CFAP77: variants seen among roughly 807,000 people sequenced by gnomAD.
CFAP77 encodes cilia- and flagella-associated protein 77.
Under a neutral mutation model 31.1 loss-of-function variants are expected in CFAP77, and 25 were observed. The ratio of observed to expected loss-of-function variants is 0.80; its 90% CI spans 0.59 to 1.12. The LOEUF (loss-of-function observed/expected upper bound fraction) is 1.12. Among genes scored for constraint, CFAP77 ranks in the 50% most tolerant of loss-of-function variants. The pLI is 0.00. For synonymous variants in CFAP77, 151 were observed against 159.9 expected, an observed-to-expected ratio of 0.94 and a Z score of 0.42; for missense variants, 377 against 397.3, an observed-to-expected ratio of 0.95 and a Z score of 0.44.
chr9:132,486,090 A>ATTTTT (rs1178281920), intron 1 of CFAP77, among the ~76,000 whole-genome samples: 3 of 15,362 alleles, frequency 2.0e-4, no homozygotes, highest in African/African-American at 4.3e-4. Context: ...ATATATATAT[A>ATTTTT]TTTTTTTTTT....
intron 1 of CFAP77, among the ~76,000 whole-genome samples, chr9:132,415,177 CTAATGGCCCCATCT>C (rs1850074539): frequency 6.6e-6 from 1 of 152,184 alleles, no homozygotes; most frequent in African/African-American, 2.4e-5. Flanking sequence ...GCTGCCCATC[CTAATGGCCCCATCT>C]TGGAGGGCCA....
rs916604007 is a variant in CFAP77, at chr9:132,517,174, T to G, written c.524+17574T>G. 6.6e-6 allele frequency among the ~76,000 whole-genome samples: 1 copy of G among 152,062 alleles called. No homozygotes were observed. Among genetic ancestry groups the G allele is most frequent in the African/African-American group, 2.4e-5 (1 of 41,400 alleles). On this transcript the variant is annotated intron_variant, in intron 3 of 5. Coordinates refer to ENST00000393216, the MANE Select transcript of CFAP77 (RefSeq NM_001282957.2). The surrounding 1 kb of genome is among the most constrained non-coding windows in gnomAD (Gnocchi z 4.7). ...AAGCCCAGCCCTCCAGCCTTCTCCCTCCTCCCAAACCAGCCATCTACGGTC... is the reference window on the plus strand; with the variant it reads ...AAGCCCAGCCCTCCAGCCTTCTCCCGCCTCCCAAACCAGCCATCTACGGTC...
chr9:132,447,658 C>A (rs1035550041), intron 1 of CFAP77, among the ~76,000 whole-genome samples: 4 of 152,222 alleles, frequency 2.6e-5, no homozygotes, highest in Non-Finnish European at 4.4e-5. Context: ...ACCTAACACT[C>A]CTCTCAAATA....
intron 3 of CFAP77, among the ~76,000 whole-genome samples, chr9:132,534,610 CA>C (rs201151199): frequency 0.21 from 13,449 of 64,144 alleles, 511 homozygotes; most frequent in African/African-American, 0.3. Context: ...GACTCTGTCT[CA>C]AAAAAAAAAA....
chr9:132,547,755 G>A (rs1255562027), intron 5 of CFAP77, among the ~76,000 whole-genome samples: 1 of 152,208 alleles, frequency 6.6e-6, no homozygotes, highest in Non-Finnish European at 1.5e-5. Flanking sequence ...AACCTTGCTT[G>A]AAGGGCGGAA....
At chr9:132,547,085 C>T (rs929655991) in intron 5 of CFAP77, among the ~76,000 whole-genome samples, 6 of 152,326 alleles carry the variant, frequency 3.9e-5, no homozygotes, top group Admixed American at 2.0e-4. Context: ...ATGGAGGAGC[C>T]GCTGGGCTGG....
At chr9:132,483,271 TAAAAC>T (rs3079601) in intron 1 of CFAP77, among the ~76,000 whole-genome samples, 9,726 of 151,866 alleles carry the variant, frequency 0.064, 437 homozygotes, top group South Asian at 0.12. Context: ...AACTCTGTCT[TAAAAC>T]AAAAAAACAA....
rs1851776745 is a variant in CFAP77 at position 132,498,233 on chromosome 9, G to A, written c.196-462G>A. ...AAGTGACTCCCTCATGTGCTACAGTGACAATGGTTTGAGTGGTCCCTGGTA... is the reference window on the plus strand; with the variant it reads ...AAGTGACTCCCTCATGTGCTACAGTAACAATGGTTTGAGTGGTCCCTGGTA... On this transcript the variant is annotated intron_variant, in intron 1 of 5. Coordinates refer to ENST00000393216, the MANE Select transcript of CFAP77 (RefSeq NM_001282957.2). The surrounding 1 kb of genome is among the most constrained non-coding windows in gnomAD (Gnocchi z 4.2). 6.6e-6 allele frequency among the ~76,000 whole-genome samples: 1 copy of A among 152,118 alleles called. No individual in the cohort carries two copies. The highest frequency in any genetic ancestry group is 1.5e-5 in the Non-Finnish European group (1 of 68,018).
At chr9:132,474,760 G>A (rs1159541894) in intron 1 of CFAP77, among the ~76,000 whole-genome samples, 2 of 152,042 alleles carry the variant, frequency 1.3e-5, no homozygotes, top group African/African-American at 4.8e-5. Context: ...TTGTTTGGGG[G>A]GTATCAGAAA....
chr9:132,512,066 A>AG (rs912607324), intron 3 of CFAP77, among the ~76,000 whole-genome samples: 3 of 151,584 alleles, frequency 2.0e-5, no homozygotes, highest in Admixed American at 2.0e-4. Context: ...AAAAAAAAAA[A>AG]GTAACAAAAA....
rs1180710998 is a variant in CFAP77 at position 132,542,880 on chromosome 9, C to T, written c.631-66C>T. The T allele has an allele frequency of 4.0e-6, 5 of 1,244,350 alleles. No homozygotes were observed. The Admixed American group carries it at 5.0e-5, about 13-fold the overall frequency. 77.1% of individuals were successfully genotyped at this position (1,244,350 alleles called of 1,614,324 possible). A position where few individuals can be genotyped will look rare whatever the true frequency, so the allele number is the denominator to read the frequency against. On this transcript the variant is annotated intron_variant, in intron 4 of 5. Coordinates refer to ENST00000393216, the MANE Select transcript of CFAP77 (RefSeq NM_001282957.2). ...AATCCCAGCCCTCTGTCTCTATATC[C>T]CTTCAGCACGGCCTTCTCCAAGTAG...
At chr9:132,422,654 G>A (rs1850238426) in intron 1 of CFAP77, among the ~76,000 whole-genome samples, 1 of 152,206 alleles carries the variant, frequency 6.6e-6, no homozygotes, top group Non-Finnish European at 1.5e-5. Context: ...GGGAAAGGCA[G>A]CACTGAGGTG....
At chr9:132,442,679 A>G (rs1159148142) in intron 1 of CFAP77, among the ~76,000 whole-genome samples, 2 of 151,718 alleles carry the variant, frequency 1.3e-5, no homozygotes, top group African/African-American at 4.8e-5. Context: ...TCGAGGCAAA[A>G]TTCGCATGAT....
At chr9:132,415,254 A>C (rs1450887590) in intron 1 of CFAP77, among the ~76,000 whole-genome samples, 1 of 151,404 alleles carries the variant, frequency 6.6e-6, no homozygotes, top group Non-Finnish European at 1.5e-5. Context: ...CATCCTTACA[A>C]CTCTCTCCCT....
intron 5 of CFAP77, among the ~76,000 whole-genome samples, chr9:132,544,416 G>A (rs1852699560): frequency 6.6e-6 from 1 of 151,310 alleles, no homozygotes; most frequent in Non-Finnish European, 1.5e-5. Flanking sequence ...TGCTTCTCCT[G>A]CTCTCTCACT....
At chr9:132,410,697 T>A (rs1295842227) in intron 1 of CFAP77, among the ~76,000 whole-genome samples, 1 of 152,168 alleles carries the variant, frequency 6.6e-6, no homozygotes, top group Non-Finnish European at 1.5e-5. Context: ...CTAAAGGGAC[T>A]GATTGGGAAG....
Position 132,514,724 on chromosome 9 carries a change from G to A in CFAP77, c.524+15124G>A, listed in dbSNP as rs182729696. On this transcript the variant is annotated intron_variant, in intron 3 of 5. Transcript: ENST00000393216. ...GTGTGTGCCGCTAACCAAGCCTCCC[G>A]GCGTCATTAGCTTTTATGTTGGATC... 5.9e-5 allele frequency among the ~76,000 whole-genome samples: 9 copies of A among 152,282 alleles called. No homozygotes were observed. In the East Asian group the frequency reaches 7.7e-4, roughly 13 times the overall value.
At chr9:132,461,543 C>T (rs1304072761) in intron 1 of CFAP77, among the ~76,000 whole-genome samples, 1 of 152,196 alleles carries the variant, frequency 6.6e-6, no homozygotes, top group Non-Finnish European at 1.5e-5. Flanking sequence ...ATTCCTTGAG[C>T]CCAGGGAAGC....
intron 3 of CFAP77, among the ~76,000 whole-genome samples, chr9:132,533,962 G>T (rs981824056): frequency 1.2e-4 from 18 of 152,274 alleles, no homozygotes; most frequent in African/African-American, 3.9e-4. Context: ...TTTACGTTGG[G>T]TTTTTTCCCC....
Sources: allele counts gnomAD v4.1 joint callset (sites outside exome capture counted in the v4.1 genomes callset), GRCh38; gene constraint gnomAD v4.1.1; non-coding constraint Gnocchi (gnomAD v3.1); transcripts MANE v1.5; gene names NCBI Gene and HGNC (gene_info 2026-07-23, HGNC 2026-07-21).